Variants in CTNNA3 observed in about 807,000 individuals in gnomAD.
CTNNA3 encodes catenin alpha 3, also known as catenin alpha-3.
A neutral mutation model predicts 95.7 loss-of-function variants in CTNNA3; 76 were observed. The ratio of observed to expected loss-of-function variants is 0.79; its 90% CI spans 0.66 to 0.96. The LOEUF (loss-of-function observed/expected upper bound fraction) is 0.96, where lower values mean the gene tolerates loss of function less well. Among genes scored for constraint, CTNNA3 ranks in the 40% least tolerant of loss-of-function variants. The pLI is 0.00. For missense variants in CTNNA3, 1,191 were observed against 1,089.8 expected (o/e 1.09, Z -1.31); for synonymous variants, 431 against 374.4 (o/e 1.15, Z -1.74).
At chr10:67,586,723 G>T (rs1308049900) in intron 3 of CTNNA3, among the ~76,000 whole-genome samples, 2 of 152,070 alleles carry the variant, frequency 1.3e-5, no homozygotes, top group African/African-American at 4.8e-5. Context: ...CATATGCTTA[G>T]ATCTTTTTTA....
chr10:66,999,239 G>A (rs1241423772), intron 7 of CTNNA3, among the ~76,000 whole-genome samples: 2 of 151,882 alleles, frequency 1.3e-5, no homozygotes, highest in Non-Finnish European at 2.9e-5. Flanking sequence ...TGCATTAAAA[G>A]GTATCAGTTA....
chr10:67,031,823 CAAG>C (rs911045367), intron 7 of CTNNA3, among the ~76,000 whole-genome samples: 123 of 152,278 alleles, frequency 8.1e-4, no homozygotes, highest in African/African-American at 3.0e-3. Context: ...AATCCTGAAT[CAAG>C]AAGGACAGAT....
intron 7 of CTNNA3, among the ~76,000 whole-genome samples, chr10:67,092,172 A>C (rs16924017): frequency 0.027 from 4,091 of 152,100 alleles, 170 homozygotes; most frequent in African/African-American, 0.087. Context: ...TGATATTTAC[A>C]AAAACCCTAA....
intron 5 of CTNNA3, among the ~76,000 whole-genome samples, chr10:67,229,497 G>A (rs1045600156): frequency 1.3e-5 from 2 of 152,100 alleles, no homozygotes; most frequent in African/African-American, 4.8e-5. Context: ...GAAATAAAGG[G>A]CATCCAAATT....
At chr10:66,779,933 C>A (rs1049833556) in intron 7 of CTNNA3, among the ~76,000 whole-genome samples, 1 of 151,952 alleles carries the variant, frequency 6.6e-6, no homozygotes, top group Non-Finnish European at 1.5e-5. Context: ...ATAGAGGTAC[C>A]TAGGATAACA....
chr10:66,599,451 T>C (rs1455260160), intron 10 of CTNNA3, among the ~76,000 whole-genome samples: 1 of 151,994 alleles, frequency 6.6e-6, no homozygotes, highest in Non-Finnish European at 1.5e-5. Context: ...CCTTCAATTT[T>C]TGGCCCATTT....
At chr10:67,654,453 T>C (rs565466149) in intron 1 of CTNNA3, among the ~76,000 whole-genome samples, 1 of 151,954 alleles carries the variant, frequency 6.6e-6, no homozygotes, top group Admixed American at 6.6e-5. Context: ...GATATATAAT[T>C]GCCAAAGAGT....
intron 7 of CTNNA3, among the ~76,000 whole-genome samples, chr10:67,003,199 A>C (rs1163944716): frequency 1.3e-5 from 2 of 152,170 alleles, no homozygotes; most frequent in Non-Finnish European, 2.9e-5. Flanking sequence ...CCAATTATTC[A>C]GGCACAGTGC....
chr10:66,760,764 C>T (rs1431081106), intron 9 of CTNNA3, among the ~76,000 whole-genome samples: 4 of 152,098 alleles, frequency 2.6e-5, no homozygotes, highest in African/African-American at 7.2e-5. Context: ...AGGTCATGTT[C>T]AGCCACATCT....
intron 9 of CTNNA3, among the ~76,000 whole-genome samples, chr10:66,706,778 C>A (rs972066932): frequency 1.3e-5 from 2 of 151,690 alleles, no homozygotes; most frequent in Non-Finnish European, 2.9e-5. Context: ...GAGGGGGTCA[C>A]AACAGCTTAA....
At chr10:66,608,653 C>A (rs1047536043) in intron 10 of CTNNA3, among the ~76,000 whole-genome samples, 1 of 152,074 alleles carries the variant, frequency 6.6e-6, no homozygotes, top group Admixed American at 6.5e-5. Flanking sequence ...ACCATCTGAT[C>A]TTCAAAAAAA....
At chr10:67,682,603 A>G (rs1470142982) in intron 1 of CTNNA3, among the ~76,000 whole-genome samples, 1 of 152,220 alleles carries the variant, frequency 6.6e-6, no homozygotes, top group Non-Finnish European at 1.5e-5. Flanking sequence ...CTTCTTGAAG[A>G]GAAATATGAC....
At chr10:66,568,941 G>C (rs1217364648) in intron 10 of CTNNA3, among the ~76,000 whole-genome samples, 1 of 152,008 alleles carries the variant, frequency 6.6e-6, no homozygotes, top group Non-Finnish European at 1.5e-5. Flanking sequence ...GAATGAGGAG[G>C]AGGAAGAGAG....
At chr10:66,048,490 G>A (rs1012874905) in intron 15 of CTNNA3, among the ~76,000 whole-genome samples, 3 of 152,180 alleles carry the variant, frequency 2.0e-5, no homozygotes, top group African/African-American at 7.2e-5. Flanking sequence ...GCTCAGCGCG[G>A]TGGCTCACGC....
At chr10:66,692,669 C>G (rs1847594622) in intron 9 of CTNNA3, among the ~76,000 whole-genome samples, 1 of 152,014 alleles carries the variant, frequency 6.6e-6, no homozygotes, top group African/African-American at 2.4e-5. Context: ...GTCAGATTCA[C>G]CAAAGTTGAA....
intron 11 of CTNNA3, among the ~76,000 whole-genome samples, chr10:66,447,712 C>G (rs1446150200): frequency 6.6e-6 from 1 of 152,090 alleles, no homozygotes; most frequent in African/African-American, 2.4e-5. Flanking sequence ...AGACCTAAAA[C>G]CATAAAAATC....
intron 13 of CTNNA3, among the ~76,000 whole-genome samples, chr10:66,216,098 C>T (rs2088515407): frequency 6.6e-6 from 1 of 152,222 alleles, no homozygotes; most frequent in South Asian, 2.1e-4. Context: ...CAGGGAAAGC[C>T]TCTCAGAGTT....
chr10:66,239,053 T>C (rs987414696), intron 13 of CTNNA3, among the ~76,000 whole-genome samples: 2 of 151,858 alleles, frequency 1.3e-5, no homozygotes, highest in South Asian at 2.1e-4. Context: ...ATCAGAAGTA[T>C]ATAATATGGT....
At chr10:67,556,368 T>G (rs1307697232) in intron 3 of CTNNA3, among the ~76,000 whole-genome samples, 1 of 152,212 alleles carries the variant, frequency 6.6e-6, no homozygotes, top group Non-Finnish European at 1.5e-5. Context: ...AATTCAGGTG[T>G]GAATCCATCT....
Sources: gnomAD v4.1 joint callset for allele counts (sites outside exome capture counted in the v4.1 genomes callset) on GRCh38, gnomAD v4.1.1 for gene constraint, MANE v1.5 for transcripts, NCBI Gene and HGNC (gene_info 2026-07-23, HGNC 2026-07-21) for gene names.